RALYL: variants seen among roughly 807,000 people sequenced by gnomAD.
RALYL encodes RNA-binding Raly-like protein.
In RALYL, 29 loss-of-function variants were observed where a neutral mutation model predicts 35.1. That is an observed-to-expected ratio of 0.83 (90% CI 0.61 to 1.13). The LOEUF is 1.13. RALYL is among the 50% of genes most tolerant of loss of function. The pLI is 0.00. For synonymous variants in RALYL, 120 were observed against 127.6 expected (o/e 0.94, Z 0.40); for missense variants, 359 against 360.4 (o/e 1.00, Z 0.03).
At chr8:84,689,069 TC>T (rs1035034100) in intron 2 of RALYL, among the ~76,000 whole-genome samples, 9 of 151,786 alleles carry the variant, frequency 5.9e-5, no homozygotes, top group Non-Finnish European at 7.4e-5. Context: ...TGACTTTTTT[TC>T]TTTTTTTTTT....
intron 1 of RALYL, among the ~76,000 whole-genome samples, chr8:84,489,735 A>G (rs946242030): frequency 5.9e-5 from 9 of 152,072 alleles, no homozygotes; most frequent in Admixed American, 5.9e-4. Context: ...AAAGATGAGT[A>G]GTAATCAGAT....
At chr8:84,257,843 A>C (rs947653312) in intron 1 of RALYL, among the ~76,000 whole-genome samples, 1 of 152,210 alleles carries the variant, frequency 6.6e-6, no homozygotes, top group East Asian at 1.9e-4. Context: ...TGGATATTTA[A>C]AACTTATTTG....
intron 2 of RALYL, among the ~76,000 whole-genome samples, chr8:84,701,643 A>G (rs1840216592): frequency 6.6e-6 from 1 of 152,120 alleles, no homozygotes. Flanking sequence ...GGGCTGGAGG[A>G]TCAGGAAGAG....
intron 1 of RALYL, among the ~76,000 whole-genome samples, chr8:84,396,867 T>G (rs1426421411): frequency 1.3e-5 from 2 of 152,216 alleles, no homozygotes; most frequent in Admixed American, 6.5e-5. Context: ...TATGTAAATA[T>G]TCTTCTAGTA....
At chr8:84,531,613 C>T (rs894796121) in intron 2 of RALYL, among the ~76,000 whole-genome samples, 12 of 151,932 alleles carry the variant, frequency 7.9e-5, no homozygotes, top group Admixed American at 3.3e-4. Flanking sequence ...GGGCCATATC[C>T]CAGCAGATTT....
intron 1 of RALYL, among the ~76,000 whole-genome samples, chr8:84,222,555 A>G (rs1054544077): frequency 1.3e-5 from 2 of 152,180 alleles, no homozygotes; most frequent in Admixed American, 1.3e-4. Flanking sequence ...TAGAGTGGAG[A>G]ATATGCAGAA....
intron 1 of RALYL, among the ~76,000 whole-genome samples, chr8:84,395,366 G>A (rs1861568971): frequency 6.6e-6 from 1 of 151,614 alleles, no homozygotes; most frequent in African/African-American, 2.4e-5. Context: ...ATTTTTCCTT[G>A]TATGTTGTTT....
At chr8:84,191,328 G>A (rs1025741940) in intron 1 of RALYL, among the ~76,000 whole-genome samples, 19 of 152,202 alleles carry the variant, frequency 1.2e-4, no homozygotes, top group African/African-American at 4.1e-4. Flanking sequence ...TTCTGAGAAA[G>A]AAGAGAGGGC....
At chr8:84,405,165 A>G (rs1338335528) in intron 1 of RALYL, among the ~76,000 whole-genome samples, 2 of 152,190 alleles carry the variant, frequency 1.3e-5, no homozygotes, top group African/African-American at 2.4e-5. Flanking sequence ...CTTGAAACCA[A>G]TGATAATAAA....
chr8:84,887,691 C>T lies in RALYL; in HGVS notation c.773C>T (p.Pro258Leu). The T allele has an allele frequency of 6.2e-7, 1 of 1,613,844 alleles. No homozygotes were observed. The highest frequency in any genetic ancestry group is 8.5e-7 in the Non-Finnish European group (1 of 1,179,830). Residue 258 changes from proline to leucine, a missense_variant, in exon 8 of 9, where the codon CCT becomes CTT. Pro to Leu is a moderately conservative substitution (Grantham distance 98). Transcript: ENST00000521268. ...SEIADHSTEE[P>L]AEGGPDADGE... ...ATTGCAGATCACTCTACAGAGGAGC[C>T]TGCTGAAGGAGGGCCAGATGCCGAT...
chr8:84,638,634 A>G (rs1158979046), intron 2 of RALYL, among the ~76,000 whole-genome samples: 2 of 151,524 alleles, frequency 1.3e-5, no homozygotes, highest in African/African-American at 4.8e-5. Context: ...AATAGCAGAA[A>G]TTTGCTGGAG....
chr8:84,492,282 T>A (rs1191857260), intron 1 of RALYL, among the ~76,000 whole-genome samples: 1 of 152,094 alleles, frequency 6.6e-6, no homozygotes, highest in Non-Finnish European at 1.5e-5. Context: ...TCCCTACATT[T>A]AGAAGAAACC....
At chr8:84,469,991 C>A (rs2052470856) in intron 1 of RALYL, among the ~76,000 whole-genome samples, 1 of 152,178 alleles carries the variant, frequency 6.6e-6, no homozygotes, top group African/African-American at 2.4e-5. Context: ...CCTCGCCCTG[C>A]TTCGGCTCGC....
At chr8:84,186,089 G>A (rs1030283516) in intron 1 of RALYL, among the ~76,000 whole-genome samples, 1 of 152,144 alleles carries the variant, frequency 6.6e-6, no homozygotes, top group Non-Finnish European at 1.5e-5. Context: ...ATGTATGTGA[G>A]TTATTTTGTT....
chr8:84,311,090 A>AAAAT lies in RALYL; in HGVS notation c.-24+126667_-24+126668insAATA, dbSNP rs1554614840. Among the ~76,000 whole-genome samples the AAAAT allele has an allele frequency of 7.9e-4, 79 of 99,770 alleles. 6 individuals carry two copies. The highest frequency in any genetic ancestry group is 2.7e-3 in the South Asian group (9 of 3,394). 65.5% of individuals were successfully genotyped at this position (99,770 alleles called of 152,430 possible). Reference sequence around the variant, plus strand: ...AAAAAAAAAAAAAAAAAAAAAAAAAAATGTATATTAATGTATAGTATAAAT... The same window carrying AAAAT: ...AAAAAAAAAAAAAAAAAAAAAAAAAAAAATATGTATATTAATGTATAGTATAAAT... On this transcript the variant is annotated intron_variant, in intron 1 of 8. Coordinates refer to ENST00000521268, the MANE Select transcript of RALYL (RefSeq NM_173848.7).
At chr8:84,540,447 A>C (rs1026266911) in intron 2 of RALYL, among the ~76,000 whole-genome samples, 1 of 152,008 alleles carries the variant, frequency 6.6e-6, no homozygotes, top group African/African-American at 2.4e-5. Context: ...TCATGCACGC[A>C]TTCAAATGAA....
At chr8:84,525,409 A>G (rs1455087525) in intron 1 of RALYL, among the ~76,000 whole-genome samples, 1 of 151,360 alleles carries the variant, frequency 6.6e-6, no homozygotes, top group Non-Finnish European at 1.5e-5. Flanking sequence ...ACAGCTCTCT[A>G]TTTTTTCTTT....
At chr8:84,681,867 C>T (rs1835599665) in intron 2 of RALYL, among the ~76,000 whole-genome samples, 1 of 152,150 alleles carries the variant, frequency 6.6e-6, no homozygotes, top group African/African-American at 2.4e-5. Flanking sequence ...CCAGAACTTC[C>T]AACACTATGT....
intron 1 of RALYL, among the ~76,000 whole-genome samples, chr8:84,264,815 T>C (rs1832982779): frequency 6.6e-6 from 1 of 152,230 alleles, no homozygotes; most frequent in East Asian, 1.9e-4. Flanking sequence ...TCTTCAGTAG[T>C]TTCTTTAACA....
Sources: gnomAD v4.1 joint callset for allele counts (sites outside exome capture counted in the v4.1 genomes callset) on GRCh38, gnomAD v4.1.1 for gene constraint, MANE v1.5 for transcripts, NCBI Gene and HGNC (gene_info 2026-07-23, HGNC 2026-07-21) for gene names.